Variants in MYRF observed in about 807,000 individuals in gnomAD.
MYRF encodes myelin regulatory factor.
In MYRF, 16 loss-of-function variants were observed where a neutral mutation model predicts 126.3. The observed-to-expected ratio is 0.13, with a 90% CI of 0.09 to 0.19. The LOEUF (loss-of-function observed/expected upper bound fraction) is 0.19. MYRF is among the 10% of genes least tolerant of loss of function. The pLI, the probability that MYRF is intolerant of heterozygous loss-of-function variation, is 1.00. For synonymous variants in MYRF, 608 were observed against 635.3 expected, an observed-to-expected ratio of 0.96 and a Z score of 0.65; for missense variants, 1,104 against 1,547.0, an observed-to-expected ratio of 0.71 and a Z score of 4.80.
At chr11:61,768,479 T>G in intron 3 of MYRF, 1 of 152,260 alleles carries the variant, frequency 6.6e-6, no homozygotes. Flanking sequence ...CTTGAATCGT[T>G]GTATAGGTTT....
At chr11:61,775,770 T>G (rs2066361163) in intron 8 of MYRF, among the ~76,000 whole-genome samples, 2 of 127,916 alleles carry the variant, frequency 1.6e-5, no homozygotes, top group Non-Finnish European at 1.7e-5. Context: ...CGTGTGGGTG[T>G]GGAATGGGGG....
At position 61,776,842 on chromosome 11, in the gene MYRF, C is replaced by T; in HGVS notation, c.1555C>T (p.Leu519=). ...TCATGCACAGAACCAGAACTACACG[C>T]TGGCCGCCCAGATCTCAGAGCGCAT... ...QAHAQNQNYT[L]AAQISERIIV... Residue 519 remains leucine (L), a synonymous_variant, in exon 11 of 27, where the codon CTG becomes TTG. Transcript: ENST00000278836. This position sits in a 1 kb window ranked among gnomAD's most constrained non-coding sequence, Gnocchi z 4.3. 1.2e-6 allele frequency: 2 copies of T among 1,608,708 alleles called. No individual in the cohort carries two copies. The highest frequency in any genetic ancestry group is 1.7e-6 in the Non-Finnish European group (2 of 1,177,884).
rs1463527936 is a variant in MYRF, at chr11:61,778,637, A to C, written c.2013+148A>C. 2.9e-6 allele frequency: 2 copies of C among 680,518 alleles called. No homozygotes were observed. Among genetic ancestry groups the C allele is most frequent in the Non-Finnish European group, 5.4e-6 (2 of 372,516 alleles). 42.2% of individuals were successfully genotyped at this position (680,518 alleles called of 1,614,324 possible). On this transcript the variant is annotated intron_variant, in intron 14 of 26. Coordinates refer to ENST00000278836, the MANE Select transcript of MYRF (RefSeq NM_001127392.3). The surrounding 1 kb of genome is among the most constrained non-coding windows in gnomAD (Gnocchi z 4.6). ...ATGCTGCCTCCAGAGCGCCCTCTGC[A>C]CCCCACAGGGAAGGGGTGAGTGTTC...
intron 1 of MYRF, among the ~76,000 whole-genome samples, chr11:61,753,012 C>T (rs963133570): frequency 1.3e-5 from 2 of 152,122 alleles, no homozygotes; most frequent in African/African-American, 4.8e-5. Flanking sequence ...CTCCTCAACT[C>T]GCAGCTTCCT....
chr11:61,762,728 C>T (rs1157908060), intron 1 of MYRF, among the ~76,000 whole-genome samples: 1 of 152,168 alleles, frequency 6.6e-6, no homozygotes, highest in African/African-American at 2.4e-5. Context: ...AGAGACGACG[C>T]GGCCTCCAGG....
chr11:61,777,506 G>A lies in MYRF; in HGVS notation c.1791+42G>A. On this transcript the variant is annotated intron_variant, in intron 12 of 26. Coordinates refer to ENST00000278836, the MANE Select transcript of MYRF (RefSeq NM_001127392.3). The surrounding 1 kb of genome is among the most constrained non-coding windows in gnomAD (Gnocchi z 8.8). The stretch of plus-strand genomic sequence containing the variant: ...GGGGGCCGGGCGGGTCCAGACGCTG[G>A]AGCGGGCCGCGGGGGCGGGGCTCCT... 1.3e-6 allele frequency: 2 copies of A among 1,538,926 alleles called. No individual in the cohort carries two copies. The highest frequency in any genetic ancestry group is 1.8e-6 in the Non-Finnish European group (2 of 1,136,442).
chr11:61,756,029 G>A (rs1359731671), intron 1 of MYRF, among the ~76,000 whole-genome samples: 2 of 152,188 alleles, frequency 1.3e-5, no homozygotes, highest in Non-Finnish European at 2.9e-5. Flanking sequence ...GTAAGTAAGT[G>A]GGTTGGACCA....
chr11:61,785,944 G>T, intron 26 of MYRF, 70 bp downstream of exon 26: 1 of 1,568,594 alleles, frequency 6.4e-7, no homozygotes, highest in Non-Finnish European at 8.8e-7. Flanking sequence ...CTTGAGGAAT[G>T]GGGGGTTTGC....
Position 61,772,484 on chromosome 11 carries a change from T to C in MYRF, c.1115+532T>C, listed in dbSNP as rs576948853. Reference sequence around the variant, plus strand: ...GGGCAGGTGACAGGGTAACTGTGGATATTGCCAGGCCTGGGCCAGTGGATT... The same window carrying C: ...GGGCAGGTGACAGGGTAACTGTGGACATTGCCAGGCCTGGGCCAGTGGATT... On this transcript the variant is annotated intron_variant, in intron 7 of 26. Coordinates refer to ENST00000278836, the MANE Select transcript of MYRF (RefSeq NM_001127392.3). Among the ~76,000 whole-genome samples, 426 of 152,346 alleles carry C rather than the reference T, an allele frequency of 2.8e-3. 1 individual carries two copies. Among genetic ancestry groups the C allele is most frequent in the African/African-American group, 9.9e-3 (412 of 41,602 alleles).
chr11:61,783,074 C>T lies in MYRF; in HGVS notation c.3017-424C>T, dbSNP rs867991685. 1.8e-5 allele frequency: 3 copies of T among 164,504 alleles called. No homozygotes were observed. The highest frequency in any genetic ancestry group is 1.7e-4 in the South Asian group (1 of 5,994). The allele number at this position is 164,504 out of a possible 1,614,324, so 10.2% of individuals were successfully genotyped here. On this transcript the variant is annotated intron_variant, in intron 22 of 26. Transcript: ENST00000278836. The surrounding 1 kb of genome is among the most constrained non-coding windows in gnomAD (Gnocchi z 4.6). ...GCTGCGAGGAGCAGCGTGCTGGTAGCGGTGTAATCATCGGCCTCGGGGCAG... is the reference window on the plus strand; with the variant it reads ...GCTGCGAGGAGCAGCGTGCTGGTAGTGGTGTAATCATCGGCCTCGGGGCAG...
rs561129100 is a variant in MYRF, at chr11:61,778,748, C to A, written c.2013+259C>A. 3.2e-6 allele frequency: 2 copies of A among 627,822 alleles called. No individual in the cohort carries two copies. Among genetic ancestry groups the A allele is most frequent in the Non-Finnish European group, 5.9e-6 (2 of 337,368 alleles). 38.9% of individuals were successfully genotyped at this position (627,822 alleles called of 1,614,324 possible). The stretch of plus-strand genomic sequence containing the variant: ...CCCTGTGGAGGGCCATGGCCTTCCA[C>A]CCCCGGTAAAATGAGGGCGGTAATA... On this transcript the variant is annotated intron_variant, in intron 14 of 26. Transcript: ENST00000278836. The surrounding 1 kb of genome is among the most constrained non-coding windows in gnomAD (Gnocchi z 4.6).
At chr11:61,756,425 G>A (rs2065757475) in intron 1 of MYRF, among the ~76,000 whole-genome samples, 1 of 152,126 alleles carries the variant, frequency 6.6e-6, no homozygotes, top group Non-Finnish European at 1.5e-5. Flanking sequence ...GAATCCGGGG[G>A]CTGAGCTGGG....
chr11:61,752,783 C>T lies in MYRF; in HGVS notation c.39C>T (p.Phe13=), dbSNP rs1480114456. 6.7e-7 allele frequency: 1 copy of T among 1,486,992 alleles called. No homozygotes were observed. Among genetic ancestry groups the T allele is most frequent in the Admixed American group, 2.5e-5 (1 of 39,276 alleles). 92.1% of individuals were successfully genotyped at this position (1,486,992 alleles called of 1,614,324 possible). Residue 13 remains phenylalanine, a synonymous_variant, in exon 1 of 27, where the codon TTC becomes TTT. Coordinates refer to ENST00000278836, the MANE Select transcript of MYRF (RefSeq NM_001127392.3). ...VVDETEALQR[F]FEGHDINGAL... is the part of the protein sequence containing the mutation. ...ACGAGACGGAGGCGCTGCAGCGCTT[C>T]TTCGAAGGTGAGAGACCGCGGGCTG...
chr11:61,768,918 G>C (rs1186544352), intron 3 of MYRF: 5 of 240,674 alleles, frequency 2.1e-5, no homozygotes, highest in Admixed American at 1.7e-4. Flanking sequence ...AAGCTGTGGG[G>C]CTTCAGTGGG....
Position 61,752,843 on chromosome 11 carries a change from CT to C in MYRF, c.46+54del, listed in dbSNP as rs1253846149. ...ACCCTCTGGCGCTGGGAACCCCCGG[CT>C]GATCTCCCCGGGAACTGGGGCTCCT... is the stretch of plus-strand genomic sequence containing the variant. On this transcript the variant is annotated intron_variant, in intron 1 of 26. Transcript: ENST00000278836. 237 of 1,451,662 alleles carry C rather than the reference CT, an allele frequency of 1.6e-4. 6 individuals carry two copies. In the Middle Eastern group the frequency reaches 0.015, roughly 90 times the overall value. The allele number at this position is 1,451,662 out of a possible 1,614,324, so 89.9% of individuals were successfully genotyped here.
intron 3 of MYRF, among the ~76,000 whole-genome samples, chr11:61,767,813 C>CAA (rs35214869): frequency 0.22 from 13,903 of 63,932 alleles, 1,653 homozygotes; most frequent in East Asian, 0.34. Flanking sequence ...GACCCTGTCT[C>CAA]AAAAAAAAAA....
At position 61,763,559 on chromosome 11, in the gene MYRF, C is replaced by T. The variant is rs147293337; in HGVS notation, c.47-2066C>T. On this transcript the variant is annotated intron_variant, in intron 1 of 26. Transcript: ENST00000278836. ...GGTGAAGAGCCTGCAGGATGCCTTG[C>T]GCATAAGAAACTTCTGTGATTAGGC... is the stretch of plus-strand genomic sequence containing the variant. Among the ~76,000 whole-genome samples, 540 of 152,306 alleles carry T rather than the reference C, an allele frequency of 3.5e-3. 6 individuals carry two copies. The highest frequency in any genetic ancestry group is 7.2e-3 in the Non-Finnish European group (489 of 68,024).
chr11:61,753,658 G>T (rs2135652979), intron 1 of MYRF, among the ~76,000 whole-genome samples: 1 of 148,764 alleles, frequency 6.7e-6, no homozygotes, highest in African/African-American at 2.5e-5. Flanking sequence ...ACCCCCACTT[G>T]ACCGAAAGGA....
rs192071320 is a variant in MYRF at position 61,757,745 on chromosome 11, G to A, written c.46+4955G>A. ...TCTGCTGCACCCAGGCTCTTTGCACGTTGTCTTCCTGGAGTCCTGGGGTGC... is the reference window on the plus strand; with the variant it reads ...TCTGCTGCACCCAGGCTCTTTGCACATTGTCTTCCTGGAGTCCTGGGGTGC... On this transcript the variant is annotated intron_variant, in intron 1 of 26. Transcript: ENST00000278836. This position sits in a 1 kb window ranked among gnomAD's most constrained non-coding sequence, Gnocchi z 4.7. 7.7e-5 allele frequency: 27 copies of A among 349,306 alleles called. No individual in the cohort carries two copies. In the Admixed American group the frequency reaches 7.9e-4, roughly 10 times the overall value. 21.6% of individuals were successfully genotyped at this position (349,306 alleles called of 1,614,324 possible). A position where few individuals can be genotyped will look rare whatever the true frequency, so the allele number is the denominator to read the frequency against.
Sources: gnomAD v4.1 joint callset for allele counts (sites outside exome capture counted in the v4.1 genomes callset) on GRCh38, gnomAD v4.1.1 for gene constraint, Gnocchi (gnomAD v3.1) non-coding constraint, MANE v1.5 for transcripts, NCBI Gene and HGNC (gene_info 2026-07-23, HGNC 2026-07-21) for gene names.